The following COG6 variants were observed in gnomAD, a reference collection of about 807,000 sequenced individuals.
COG6 encodes conserved oligomeric Golgi complex subunit 6.
COG6 carries 74 observed loss-of-function variants against 88.8 expected under a neutral mutation model. The observed-to-expected ratio is 0.83, with a 90% CI of 0.69 to 1.01. The LOEUF (loss-of-function observed/expected upper bound fraction) is 1.01. COG6 is among the 50% of genes least tolerant of loss of function. The probability of loss-of-function intolerance (pLI) is 0.00; values close to 1 mark genes in which losing one functional copy is unlikely to be tolerated. For missense variants in COG6, 800 were observed against 797.9 expected (o/e 1.00, Z -0.03); for synonymous variants, 286 against 278.7 (o/e 1.03, Z -0.26).
At chr13:39,789,655 C>T (rs1881883070) in exon 19 of COG6, 1 of 151,646 alleles carries the variant, frequency 6.6e-6, no homozygotes, top group Admixed American at 6.6e-5. Flanking sequence ...TCCCACCAAA[C>T]CAGTCACCCC....
At chr13:39,739,791 A>G (rs578163004) in intron 18 of COG6, among the ~76,000 whole-genome samples, 4 of 152,260 alleles carry the variant, frequency 2.6e-5, no homozygotes, top group South Asian at 4.1e-4. Flanking sequence ...TAGCCATTGT[A>G]ATGAATTGAG....
At chr13:39,672,827 C>T (rs1337038466) in intron 4 of COG6, among the ~76,000 whole-genome samples, 2 of 152,008 alleles carry the variant, frequency 1.3e-5, no homozygotes, top group Non-Finnish European at 2.9e-5. Context: ...ACACTGTTTT[C>T]CGAAGAAGCT....
intron 18 of COG6, among the ~76,000 whole-genome samples, chr13:39,750,068 A>G (rs991214250): frequency 6.6e-6 from 1 of 152,188 alleles, no homozygotes; most frequent in African/African-American, 2.4e-5. Context: ...TAACAGAAGT[A>G]GGAAACTACA....
At chr13:39,687,091 A>T (rs1203880007) in intron 8 of COG6, among the ~76,000 whole-genome samples, 1 of 152,132 alleles carries the variant, frequency 6.6e-6, no homozygotes, top group African/African-American at 2.4e-5. Context: ...TACGTAAAAC[A>T]GTAGAGCATC....
intron 18 of COG6, among the ~76,000 whole-genome samples, chr13:39,749,626 C>T (rs1880518088): frequency 6.6e-6 from 1 of 152,100 alleles, no homozygotes; most frequent in Non-Finnish European, 1.5e-5. Flanking sequence ...AAAGATCAGA[C>T]AAGACTTCAT....
At chr13:39,728,359 T>C (rs890593494) in intron 18 of COG6, among the ~76,000 whole-genome samples, 11 of 152,196 alleles carry the variant, frequency 7.2e-5, no homozygotes, top group African/African-American at 9.6e-5. Context: ...GATATACTTA[T>C]TTTCTGTTCT....
chr13:39,736,315 A>G (rs1879742352), intron 18 of COG6, among the ~76,000 whole-genome samples: 1 of 151,936 alleles, frequency 6.6e-6, no homozygotes, highest in African/African-American at 2.4e-5. Context: ...ATTCTTTAGC[A>G]TGTCACTTGT....
intron 18 of COG6, chr13:39,785,464 A>T (rs1881744347): frequency 6.6e-6 from 1 of 152,160 alleles, no homozygotes. Context: ...AACTTTGGTG[A>T]CACTAATGTT....
intron 13 of COG6, among the ~76,000 whole-genome samples, chr13:39,716,191 T>A (rs928922577): frequency 1.3e-5 from 2 of 152,002 alleles, no homozygotes; most frequent in African/African-American, 4.8e-5. Flanking sequence ...CATATATGTT[T>A]ATAATTATTT....
At chr13:39,738,153 G>A (rs1242941327) in intron 18 of COG6, among the ~76,000 whole-genome samples, 1 of 152,114 alleles carries the variant, frequency 6.6e-6, no homozygotes, top group African/African-American at 2.4e-5. Context: ...TGGTTCTTAG[G>A]AAGGTGATTT....
At chr13:39,743,043 T>C (rs1458435270) in intron 18 of COG6, among the ~76,000 whole-genome samples, 1 of 152,158 alleles carries the variant, frequency 6.6e-6, no homozygotes, top group East Asian at 1.9e-4. Flanking sequence ...ATAAAGATGT[T>C]CTCTGAAACT....
intron 18 of COG6, among the ~76,000 whole-genome samples, chr13:39,768,308 C>G (rs1369104092): frequency 6.6e-6 from 1 of 152,214 alleles, no homozygotes. Context: ...GGCAGCTGAA[C>G]CCGGAACACT....
In COG6 at chr13:39,750,951, A is replaced by T; in HGVS notation, c.1832A>T (p.Gln611Leu). The T allele has an allele frequency of 6.2e-7, 1 of 1,613,190 alleles. No homozygotes were observed. Among genetic ancestry groups the T allele is most frequent in the Non-Finnish European group, 8.5e-7 (1 of 1,179,420 alleles). The change falls in exon 19 of 19, where the codon CAG becomes CTG. Residue 611 changes from glutamine (Q) to leucine (L), a missense_variant. By Grantham distance (113) the Gln-to-Leu change is moderately radical. Coordinates refer to ENST00000455146, the MANE Select transcript of COG6 (RefSeq NM_020751.3). ...NFLLSATVKEQIVKQSTELVC... is the reference protein window; with the variant it reads ...NFLLSATVKELIVKQSTELVC... The stretch of plus-strand genomic sequence containing the variant: ...TTTTGTTTGCTTATCAATAGAGAGC[A>T]GATCGTAAAACAATCTACAGAATTA...
intron 17 of COG6, among the ~76,000 whole-genome samples, chr13:39,727,101 T>C (rs1192961013): frequency 6.6e-6 from 1 of 152,048 alleles, no homozygotes; most frequent in East Asian, 1.9e-4. Context: ...TTAGTTGAAC[T>C]AATGAATGCA....
intron 13 of COG6, among the ~76,000 whole-genome samples, chr13:39,716,802 TAC>T (rs1878553698): frequency 6.6e-6 from 1 of 152,232 alleles, no homozygotes; most frequent in Admixed American, 6.5e-5. Flanking sequence ...CCGTTATTAA[TAC>T]AGTTAAATCT....
chr13:39,780,993 A>G (rs150868157), intron 18 of COG6, among the ~76,000 whole-genome samples: 157 of 152,058 alleles, frequency 1.0e-3, no homozygotes, highest in African/African-American at 3.6e-3. Context: ...ACTCTCTGCA[A>G]CTCTTTGCAT....
At chr13:39,786,121 T>C (rs1160922253) in intron 18 of COG6, among the ~76,000 whole-genome samples, 1 of 152,098 alleles carries the variant, frequency 6.6e-6, no homozygotes, top group Non-Finnish European at 1.5e-5. Context: ...AACTCCTCAC[T>C]GGTGGAGAAG....
intron 16 of COG6, among the ~76,000 whole-genome samples, 182 bp from the exon 17 acceptor site, chr13:39,724,326 A>G (rs986414473): frequency 6.6e-6 from 1 of 152,072 alleles, no homozygotes. Flanking sequence ...GCTCTCTCCA[A>G]CAAATCATAG....
At chr13:39,730,703 G>A (rs1879387142) in intron 18 of COG6, among the ~76,000 whole-genome samples, 1 of 141,840 alleles carries the variant, frequency 7.1e-6, no homozygotes, top group Non-Finnish European at 1.5e-5. Flanking sequence ...GAACCCGGGA[G>A]GTGGAGGTTG....
Sources: allele counts gnomAD v4.1 joint callset (sites outside exome capture counted in the v4.1 genomes callset), GRCh38; gene constraint gnomAD v4.1.1; transcripts MANE v1.5; gene names NCBI Gene and HGNC (gene_info 2026-07-23, HGNC 2026-07-21).